Variants in PARD3B observed in about 807,000 individuals in gnomAD.
PARD3B encodes par-3 family cell polarity regulator beta.
PARD3B carries 103 observed loss-of-function variants against 130.2 expected under a neutral mutation model. That is an observed-to-expected ratio of 0.79 (90% CI 0.67 to 0.93). The LOEUF (loss-of-function observed/expected upper bound fraction) is 0.93, where lower values mean the gene tolerates loss of function less well. Among genes scored for constraint, PARD3B ranks in the 40% least tolerant of loss-of-function variants. The pLI, the probability that PARD3B is intolerant of heterozygous loss-of-function variation, is 0.00. For synonymous variants in PARD3B, 583 were observed against 553.2 expected (o/e 1.05, Z -0.76); for missense variants, 1,609 against 1,499.2 (o/e 1.07, Z -1.21).
At chr2:204,844,189 C>A (rs1404227956) in intron 2 of PARD3B, among the ~76,000 whole-genome samples, 1 of 151,904 alleles carries the variant, frequency 6.6e-6, no homozygotes, top group African/African-American at 2.4e-5. Context: ...GTTTTTAATC[C>A]AAATTTGTGC....
chr2:205,397,657 A>G lies in PARD3B; in HGVS notation c.2631-3356A>G, dbSNP rs894334584. Among the ~76,000 whole-genome samples the G allele has an allele frequency of 6.6e-6, 1 of 152,000 alleles. No homozygotes were observed. The highest frequency in any genetic ancestry group is 1.5e-5 in the Non-Finnish European group (1 of 67,990). On this transcript the variant is annotated intron_variant, in intron 18 of 22. Transcript: ENST00000406610. This position sits in a 1 kb window ranked among gnomAD's most constrained non-coding sequence, Gnocchi z 4.8. ...ATAGGAGAAATAATATGGGACATGGAAAAAAAAGAAAAGCCTGATACCTGT... is the reference window on the plus strand; with the variant it reads ...ATAGGAGAAATAATATGGGACATGGGAAAAAAAGAAAAGCCTGATACCTGT...
chr2:204,994,286 T>C (rs1440204671), intron 3 of PARD3B, among the ~76,000 whole-genome samples: 5 of 112,994 alleles, frequency 4.4e-5, no homozygotes, highest in Admixed American at 9.7e-5. Flanking sequence ...TGTGTCTTTG[T>C]TCTCGTTGGT....
intron 22 of PARD3B, among the ~76,000 whole-genome samples, chr2:205,583,612 CATT>C (rs1379401907): frequency 6.6e-6 from 1 of 152,136 alleles, no homozygotes; most frequent in Non-Finnish European, 1.5e-5. Context: ...ATGTTGGTTC[CATT>C]ATTTATCTAT....
intron 15 of PARD3B, among the ~76,000 whole-genome samples, chr2:205,210,912 T>C (rs565106947): frequency 3.9e-5 from 6 of 152,244 alleles, no homozygotes; most frequent in African/African-American, 1.4e-4. Flanking sequence ...AATGTTACTC[T>C]ACATTAAAGA....
Position 204,545,880 on chromosome 2 carries a change from G to T in PARD3B, c.-120G>T, listed in dbSNP as rs2029888762. 2 of 1,176,198 alleles carry T rather than the reference G, an allele frequency of 1.7e-6. No individual in the cohort carries two copies. Among genetic ancestry groups the T allele is most frequent in the South Asian group, 1.8e-5 (1 of 56,462 alleles). The allele number at this position is 1,176,198 out of a possible 1,614,324, so 72.9% of individuals were successfully genotyped here. On this transcript the variant is annotated 5_prime_UTR_variant, in exon 1 of 23. Coordinates refer to ENST00000406610, the MANE Select transcript of PARD3B (RefSeq NM_001302769.2). Reference sequence around the variant, plus strand: ...GAGCCTCCGGGCCTCAGGGTGTTCCGGGGAGCGGCGCCCCGGGTCTCTGGG... The same window carrying T: ...GAGCCTCCGGGCCTCAGGGTGTTCCTGGGAGCGGCGCCCCGGGTCTCTGGG...
intron 19 of PARD3B, among the ~76,000 whole-genome samples, chr2:205,413,246 C>G (rs987570452): frequency 1.3e-5 from 2 of 152,078 alleles, no homozygotes; most frequent in Non-Finnish European, 2.9e-5. Flanking sequence ...TAGAACTGTG[C>G]TTGGCACATA....
At chr2:205,474,540 A>C (rs2048961182) in intron 20 of PARD3B, among the ~76,000 whole-genome samples, 1 of 152,128 alleles carries the variant, frequency 6.6e-6, no homozygotes, top group Non-Finnish European at 1.5e-5. Context: ...CTGTATCTTA[A>C]TTTATGTAAC....
At position 204,606,220 on chromosome 2, in the gene PARD3B, C is replaced by CTTA. The variant is rs777946138; in HGVS notation, c.120+60103_120+60105dup. Among the ~76,000 whole-genome samples, 2 of 152,128 alleles carry CTTA rather than the reference C, an allele frequency of 1.3e-5. No homozygotes were observed. The highest frequency in any genetic ancestry group is 4.8e-5 in the African/African-American group (2 of 41,414). ...CCACACATGTGGCATAGTGCAGCGC[C>CTTA]TTATGTATTGGTGTTTAAAATCAGT... On this transcript the variant is annotated intron_variant, in intron 1 of 22. Transcript: ENST00000406610. The surrounding 1 kb of genome is among the most constrained non-coding windows in gnomAD (Gnocchi z 4.0).
chr2:204,746,377 A>G (rs1574876830), intron 2 of PARD3B, among the ~76,000 whole-genome samples: 1 of 151,772 alleles, frequency 6.6e-6, no homozygotes, highest in African/African-American at 2.4e-5. Context: ...AATCCAGTCT[A>G]TCACTGATGG....
chr2:205,447,247 C>T lies in PARD3B; in HGVS notation c.3044+6575C>T, dbSNP rs1226696995. Among the ~76,000 whole-genome samples the T allele has an allele frequency of 2.0e-5, 3 of 152,304 alleles. No individual in the cohort carries two copies. The South Asian group carries it at 6.2e-4, about 32-fold the overall frequency. ...GGGTTTATACAGCCCATTTTGGAGA[C>T]CACTGGTCTCAGCTTCAGGCTTCAG... On this transcript the variant is annotated intron_variant, in intron 20 of 22. Transcript: ENST00000406610.
intron 2 of PARD3B, among the ~76,000 whole-genome samples, chr2:204,763,721 A>C (rs1385236240): frequency 1.3e-5 from 2 of 152,212 alleles, no homozygotes; most frequent in East Asian, 3.8e-4. Context: ...TATGTGGAGC[A>C]CTATCAAGGA....
chr2:205,257,418 A>C (rs2040136520), intron 16 of PARD3B, among the ~76,000 whole-genome samples: 1 of 152,044 alleles, frequency 6.6e-6, no homozygotes, highest in Admixed American at 6.6e-5. Context: ...ATATCATGGC[A>C]TGCCCTCAGT....
chr2:205,197,767 A>G (rs1327548409), intron 15 of PARD3B, among the ~76,000 whole-genome samples: 2 of 152,140 alleles, frequency 1.3e-5, no homozygotes, highest in Non-Finnish European at 2.9e-5. Context: ...TTTTCCTACT[A>G]ATTGTAGACT....
intron 16 of PARD3B, chr2:205,293,953 T>G (rs192849661): frequency 6.6e-6 from 1 of 152,136 alleles, no homozygotes; most frequent in African/African-American, 2.4e-5. Flanking sequence ...TAGGAAAATT[T>G]CCCACACTGG....
At chr2:204,574,364 G>A (rs2032150603) in intron 1 of PARD3B, among the ~76,000 whole-genome samples, 1 of 151,940 alleles carries the variant, frequency 6.6e-6, no homozygotes, top group Non-Finnish European at 1.5e-5. Flanking sequence ...ATTTTGTTTG[G>A]ATACATGTAT....
chr2:205,125,981 T>C lies in PARD3B; in HGVS notation c.1434+244T>C, dbSNP rs1196273685. ...AAACACCTTTAGCAATAAGCAACTA[T>C]TCAACAGTATGCAACTAATTCAATA... is the stretch of plus-strand genomic sequence containing the variant. On this transcript the variant is annotated intron_variant, in intron 10 of 22. Coordinates refer to ENST00000406610, the MANE Select transcript of PARD3B (RefSeq NM_001302769.2). This position sits in a 1 kb window ranked among gnomAD's most constrained non-coding sequence, Gnocchi z 4.0. Among the ~76,000 whole-genome samples, 1 of 152,194 alleles carries C rather than the reference T, an allele frequency of 6.6e-6. No individual in the cohort carries two copies. Among genetic ancestry groups the C allele is most frequent in the African/African-American group, 2.4e-5 (1 of 41,448 alleles).
intron 11 of PARD3B, among the ~76,000 whole-genome samples, chr2:205,165,720 CAAAA>C (rs1297513251): frequency 1.5e-5 from 2 of 133,284 alleles, no homozygotes; most frequent in Admixed American, 1.5e-4. Flanking sequence ...GACTCTGTCT[CAAAA>C]ATAAATAAAT....
intron 15 of PARD3B, among the ~76,000 whole-genome samples, chr2:205,201,462 T>C (rs997416033): frequency 6.6e-6 from 1 of 152,180 alleles, no homozygotes; most frequent in Non-Finnish European, 1.5e-5. Context: ...AAAGAGACCA[T>C]CATATATTTT....
intron 1 of PARD3B, among the ~76,000 whole-genome samples, chr2:204,662,325 A>G (rs914931262): frequency 3.9e-5 from 6 of 152,166 alleles, no homozygotes; most frequent in Admixed American, 2.0e-4. Context: ...CAAAAATTCT[A>G]ATTTTCCTTT....
Sources: allele counts gnomAD v4.1 joint callset (sites outside exome capture counted in the v4.1 genomes callset), GRCh38; gene constraint gnomAD v4.1.1; non-coding constraint Gnocchi (gnomAD v3.1); transcripts MANE v1.5; gene names NCBI Gene and HGNC (gene_info 2026-07-23, HGNC 2026-07-21).